Variants in ZBTB20 observed in about 807,000 individuals in gnomAD.
The protein encoded by ZBTB20 is zinc finger and BTB domain containing 20.
ZBTB20 carries 9 observed loss-of-function variants against 56.9 expected under a neutral mutation model. That is an observed-to-expected ratio of 0.16 (90% CI 0.10 to 0.28). The LOEUF (loss-of-function observed/expected upper bound fraction) is 0.28, where lower values mean the gene tolerates loss of function less well. ZBTB20 is among the 10% of genes least tolerant of loss of function. ZBTB20 has a pLI of 1.00. For synonymous variants in ZBTB20, 417 were observed against 420.7 expected (o/e 0.99, Z 0.11); for missense variants, 655 against 1,003.0 (o/e 0.65, Z 4.69).
Position 114,322,941 on chromosome 3 carries a change from C to CA in ZBTB20, c.*16063dup, listed in dbSNP as rs1488036490. The CA allele has an allele frequency of 2.6e-5, 4 of 152,186 alleles. No individual in the cohort carries two copies. The highest frequency in any genetic ancestry group is 5.9e-5 in the Non-Finnish European group (4 of 68,018). The allele number at this position is 152,186 out of a possible 1,614,324, so 9.4% of individuals were successfully genotyped here. On this transcript the variant is annotated 3_prime_UTR_variant, in exon 12 of 12. Transcript: ENST00000675478. ...TTCCAAATTGATGCCCCATATGTGA[C>CA]AGTGTTCAGAGAAATTCAACATTAG...
chr3:114,566,589 C>T (rs1288224939), intron 6 of ZBTB20, among the ~76,000 whole-genome samples: 2 of 152,148 alleles, frequency 1.3e-5, no homozygotes, highest in African/African-American at 4.8e-5. Context: ...AAAGCTATTT[C>T]CAATTCTGCT....
chr3:114,373,218 C>T (rs2083241910), intron 10 of ZBTB20, among the ~76,000 whole-genome samples: 1 of 152,214 alleles, frequency 6.6e-6, no homozygotes, highest in South Asian at 2.1e-4. Context: ...CTTGCCCCCT[C>T]AGAATACTTT....
intron 1 of ZBTB20, among the ~76,000 whole-genome samples, chr3:115,125,840 TA>T (rs2084316187): frequency 6.6e-6 from 1 of 152,164 alleles, no homozygotes; most frequent in Non-Finnish European, 1.5e-5. Context: ...CAATTAAAAA[TA>T]AGTTAAATTT....
chr3:114,663,442 A>T (rs2060860545), intron 6 of ZBTB20, among the ~76,000 whole-genome samples: 1 of 148,268 alleles, frequency 6.7e-6, no homozygotes, highest in Non-Finnish European at 1.5e-5. Flanking sequence ...TCATGCCAAA[A>T]TGTAAAGACC....
intron 6 of ZBTB20, among the ~76,000 whole-genome samples, chr3:114,560,741 T>C (rs903650351): frequency 1.3e-5 from 2 of 152,192 alleles, no homozygotes; most frequent in Admixed American, 6.5e-5. Flanking sequence ...ATGTTGATGG[T>C]TGCTGACTGA....
intron 3 of ZBTB20, among the ~76,000 whole-genome samples, chr3:114,953,143 T>C: frequency 6.6e-6 from 1 of 152,042 alleles, no homozygotes; most frequent in East Asian, 1.9e-4. Flanking sequence ...ATGTCTAAAA[T>C]ATTGATTCTA....
intron 5 of ZBTB20, among the ~76,000 whole-genome samples, chr3:114,730,910 A>G (rs141877821): frequency 1.3e-5 from 2 of 152,324 alleles, no homozygotes; most frequent in Middle Eastern, 3.4e-3. Flanking sequence ...AACATTCAAG[A>G]AATGTCCCAA....
At chr3:114,427,559 G>A (rs749613523) in intron 7 of ZBTB20, among the ~76,000 whole-genome samples, 3 of 152,200 alleles carry the variant, frequency 2.0e-5, no homozygotes, top group Non-Finnish European at 2.9e-5. Flanking sequence ...AATGCAGACC[G>A]AAGAGGAGAA....
At chr3:114,813,279 C>T (rs890588948) in intron 4 of ZBTB20, among the ~76,000 whole-genome samples, 5 of 152,014 alleles carry the variant, frequency 3.3e-5, no homozygotes, top group African/African-American at 9.7e-5. Flanking sequence ...GTCTCGAACA[C>T]CTATTGTGTA....
chr3:114,475,662 T>C (rs990331294), intron 7 of ZBTB20, among the ~76,000 whole-genome samples: 3 of 152,048 alleles, frequency 2.0e-5, no homozygotes, highest in African/African-American at 7.2e-5. Flanking sequence ...AAAGAAGGCA[T>C]GAGAACTAAA....
intron 1 of ZBTB20, among the ~76,000 whole-genome samples, chr3:115,146,873 C>T (rs1380898283): frequency 6.6e-6 from 1 of 151,070 alleles, no homozygotes; most frequent in Non-Finnish European, 1.5e-5. Context: ...TTTCCAGCTG[C>T]GGGACGTCCC....
At chr3:115,095,809 G>A (rs2083361156) in intron 1 of ZBTB20, among the ~76,000 whole-genome samples, 1 of 152,090 alleles carries the variant, frequency 6.6e-6, no homozygotes, top group Non-Finnish European at 1.5e-5. Flanking sequence ...CTATGTAATA[G>A]GAAAACATGA....
Position 115,118,296 on chromosome 3 carries a change from A to C in ZBTB20, c.-703+28923T>G, listed in dbSNP as rs529076729. ...CTGCAGACTCAAACTCCTGTGCTCAAGCAATCCTCCCACCTCAGCCTCTGC... is the reference window on the plus strand; with the variant it reads ...CTGCAGACTCAAACTCCTGTGCTCACGCAATCCTCCCACCTCAGCCTCTGC... On this transcript the variant is annotated intron_variant, in intron 1 of 11. Coordinates refer to ENST00000675478, the MANE Select transcript of ZBTB20 (RefSeq NM_001348800.3). 3.3e-5 allele frequency among the ~76,000 whole-genome samples: 5 copies of C among 152,186 alleles called. No homozygotes were observed. In the East Asian group the frequency reaches 7.8e-4, roughly 24 times the overall value.
intron 3 of ZBTB20, among the ~76,000 whole-genome samples, chr3:114,927,773 A>C (rs1396704040): frequency 6.6e-6 from 1 of 152,236 alleles, no homozygotes; most frequent in Non-Finnish European, 1.5e-5. Flanking sequence ...TATAGATAAA[A>C]ATATAGTCCA....
intron 3 of ZBTB20, among the ~76,000 whole-genome samples, chr3:114,925,172 T>TG (rs2107776942): frequency 6.6e-6 from 1 of 151,736 alleles, no homozygotes; most frequent in African/African-American, 2.4e-5. Flanking sequence ...TTAGTAGAGA[T>TG]GGGGTTTCAC....
rs547903940 is a variant in ZBTB20 at position 114,646,968 on chromosome 3, A to T, written c.-295+46560T>A. Among the ~76,000 whole-genome samples the T allele has an allele frequency of 3.4e-4, 51 of 150,772 alleles. No homozygotes were observed. The East Asian group carries it at 4.3e-3, about 13-fold the overall frequency. ...TTATTTTATTTTATTTTATTTATTTATTTTTTTTTAGACAGAGTCTTGCTC... is the reference window on the plus strand; with the variant it reads ...TTATTTTATTTTATTTTATTTATTTTTTTTTTTTTAGACAGAGTCTTGCTC... On this transcript the variant is annotated intron_variant, in intron 6 of 11. Transcript: ENST00000675478.
intron 3 of ZBTB20, among the ~76,000 whole-genome samples, chr3:114,945,238 C>T (rs910986122): frequency 1.4e-5 from 2 of 144,880 alleles, no homozygotes; most frequent in Non-Finnish European, 3.0e-5. Context: ...AACAAAACTG[C>T]GGAAATATTT....
At chr3:115,102,444 C>A (rs954144241) in intron 1 of ZBTB20, 7 of 152,118 alleles carry the variant, frequency 4.6e-5, no homozygotes, top group Admixed American at 2.6e-4. Context: ...ATTAAAAAAA[C>A]ACATAAAACT....
chr3:114,385,339 C>T (rs1433317458), intron 8 of ZBTB20, among the ~76,000 whole-genome samples: 1 of 152,142 alleles, frequency 6.6e-6, no homozygotes, highest in East Asian at 1.9e-4. Flanking sequence ...CGGAACTGCG[C>T]TCCACTACCT....
Sources: gnomAD v4.1 joint callset for allele counts (sites outside exome capture counted in the v4.1 genomes callset) on GRCh38, gnomAD v4.1.1 for gene constraint, MANE v1.5 for transcripts, NCBI Gene and HGNC (gene_info 2026-07-23, HGNC 2026-07-21) for gene names.